Variants in TRMT6 observed in about 807,000 individuals in gnomAD.
TRMT6 encodes the protein tRNA methyltransferase 6 non-catalytic subunit.
In TRMT6, 34 loss-of-function variants were observed where a neutral mutation model predicts 59.0. The observed-to-expected ratio is 0.58, with a 90% CI of 0.44 to 0.77. TRMT6 has a LOEUF of 0.77. TRMT6 is among the 30% of genes least tolerant of loss of function. The pLI is 0.00. For synonymous variants in TRMT6, 217 were observed against 210.5 expected, an observed-to-expected ratio of 1.03 and a Z score of -0.27; for missense variants, 575 against 604.5, an observed-to-expected ratio of 0.95 and a Z score of 0.51.
At chr20:5,945,526 T>C (rs936552758) in intron 2 of TRMT6, among the ~76,000 whole-genome samples, 1 of 152,242 alleles carries the variant, frequency 6.6e-6, no homozygotes, top group East Asian at 1.9e-4. Context: ...GAAATCATGC[T>C]GTTTGCTTGT....
intron 8 of TRMT6, 88 bp from the exon 9 acceptor site, chr20:5,941,433 T>A: frequency 1.1e-6 from 1 of 909,548 alleles, no homozygotes; most frequent in Non-Finnish European, 1.7e-6. Context: ...ATCATGTATT[T>A]AATTTGCATG....
Position 5,941,329 on chromosome 20 carries a change from G to C in TRMT6, c.1129C>G (p.Arg377Gly). 6.2e-7 allele frequency: 1 copy of C among 1,613,916 alleles called. No homozygotes were observed. Among genetic ancestry groups the C allele is most frequent in the Non-Finnish European group, 8.5e-7 (1 of 1,179,890 alleles). ...AGCAGCAGGGGAGTGGGGTGGAAAC[G>C]ACTAGCTACAATTAAACTGTAAGGA... ...RNADGLIVASRFHPTPLLLSL... is the reference protein window; with the variant it reads ...RNADGLIVASGFHPTPLLLSL... Residue 377 changes from arginine to glycine, a missense_variant, in exon 9 of 11, where the codon CGT becomes GGT. Coordinates refer to ENST00000203001, the MANE Select transcript of TRMT6 (RefSeq NM_015939.5).
At position 5,944,791 on chromosome 20, in the gene TRMT6, C is replaced by G. The variant is rs1340685773; in HGVS notation, c.366+14G>C. 1.9e-6 allele frequency: 3 copies of G among 1,595,088 alleles called. No homozygotes were observed. The highest frequency in any genetic ancestry group is 1.7e-6 in the Non-Finnish European group (2 of 1,165,998). ...AACAGACAAAAACAAAACTAAAAAT[C>G]CTTTGAATATTACCTCTCCTTTAAT... On this transcript the variant is annotated intron_variant, in intron 3 of 10. Transcript: ENST00000203001.
intron 10 of TRMT6, among the ~76,000 whole-genome samples, chr20:5,939,052 T>C (rs111442540): frequency 0.067 from 10,257 of 152,116 alleles, 655 homozygotes; most frequent in East Asian, 0.24. Flanking sequence ...AACCTCCCAC[T>C]TTGGCTTTCC....
At chr20:5,943,161 T>C (rs2088674063) in intron 6 of TRMT6, among the ~76,000 whole-genome samples, 1 of 151,914 alleles carries the variant, frequency 6.6e-6, no homozygotes, top group Non-Finnish European at 1.5e-5. Context: ...ACCAGACAAA[T>C]CAGGCTGTGT....
At chr20:5,940,778 C>T (rs996030282) in intron 10 of TRMT6, among the ~76,000 whole-genome samples, 3 of 152,040 alleles carry the variant, frequency 2.0e-5, no homozygotes, top group African/African-American at 4.8e-5. Flanking sequence ...CCACCATGCT[C>T]GACTGATTTT....
chr20:5,945,175 G>A (rs2088695589), intron 2 of TRMT6, among the ~76,000 whole-genome samples: 1 of 152,186 alleles, frequency 6.6e-6, no homozygotes, highest in Non-Finnish European at 1.5e-5. Context: ...TCTACCCCAT[G>A]CTTAAAACCA....
chr20:5,940,704 G>C (rs914760026), intron 10 of TRMT6, among the ~76,000 whole-genome samples: 1 of 151,696 alleles, frequency 6.6e-6, no homozygotes, highest in Non-Finnish European at 1.5e-5. Flanking sequence ...CTGCAGCCTC[G>C]ACCTCCAGGG....
intron 1 of TRMT6, among the ~76,000 whole-genome samples, chr20:5,949,258 G>A (rs1476016481): frequency 6.6e-6 from 1 of 151,956 alleles, no homozygotes; most frequent in Non-Finnish European, 1.5e-5. Flanking sequence ...CCACTAGGGA[G>A]GCTGAGGCAG....
At chr20:5,947,757 T>C (rs2088720300) in intron 1 of TRMT6, among the ~76,000 whole-genome samples, 1 of 152,024 alleles carries the variant, frequency 6.6e-6, no homozygotes, top group South Asian at 2.1e-4. Flanking sequence ...ACCTAGGTGC[T>C]TTGAAACACT....
At chr20:5,942,224 A>T in intron 7 of TRMT6, 188 bp from the exon 8 acceptor site, 1 of 715,116 alleles carries the variant, frequency 1.4e-6, no homozygotes, top group Non-Finnish European at 2.3e-6. Flanking sequence ...TGATTAAGCT[A>T]TCTATGCAAC....
chr20:5,939,636 C>G (rs2122597101), intron 10 of TRMT6, among the ~76,000 whole-genome samples: 1 of 152,182 alleles, frequency 6.6e-6, no homozygotes, highest in Non-Finnish European at 1.5e-5. Flanking sequence ...TTTCTCCTGG[C>G]TTCAGGAAGC....
Position 5,937,704 on chromosome 20 carries a change from T to G in TRMT6, c.*831A>C, listed in dbSNP as rs997749567. Reference sequence around the variant, plus strand: ...TGTACATACATATTCATACAGGTGGTACAATCTATGTCTCCACTTGCATGT... The same window carrying G: ...TGTACATACATATTCATACAGGTGGGACAATCTATGTCTCCACTTGCATGT... On this transcript the variant is annotated 3_prime_UTR_variant, in exon 11 of 11. Transcript: ENST00000203001. 3 of 152,238 alleles carry G rather than the reference T, an allele frequency of 2.0e-5. No homozygotes were observed. Among genetic ancestry groups the G allele is most frequent in the Non-Finnish European group, 2.9e-5 (2 of 68,038 alleles). The allele number at this position is 152,238 out of a possible 1,614,324, so 9.4% of individuals were successfully genotyped here.
intron 1 of TRMT6, among the ~76,000 whole-genome samples, chr20:5,949,617 T>A (rs544156918): frequency 8.1e-4 from 123 of 152,208 alleles, no homozygotes; most frequent in African/African-American, 2.6e-3. Flanking sequence ...CTTTGGTGAG[T>A]AAAACGAGGG....
At position 5,945,079 on chromosome 20, in the gene TRMT6, C is replaced by T. The variant is rs565384735; in HGVS notation, c.257-165G>A. On this transcript the variant is annotated intron_variant, in intron 2 of 10. Transcript: ENST00000203001. ...TTCCTGCCAAAACTACTCCAAGCCTCTAAGTCATCTTCCTGCTCCCAGTCT... is the reference window on the plus strand; with the variant it reads ...TTCCTGCCAAAACTACTCCAAGCCTTTAAGTCATCTTCCTGCTCCCAGTCT... 2.6e-5 allele frequency among the ~76,000 whole-genome samples: 4 copies of T among 152,346 alleles called. No individual in the cohort carries two copies. In the South Asian group the frequency reaches 8.3e-4, roughly 32 times the overall value.
intron 8 of TRMT6, chr20:5,941,736 A>G: frequency 1.7e-6 from 1 of 581,606 alleles, no homozygotes; most frequent in East Asian, 2.8e-5. Context: ...GCAGTGATGG[A>G]GAAGATTCAA....
chr20:5,941,249 G>A lies in TRMT6; in HGVS notation c.1209C>T (p.Tyr403=), dbSNP rs148760915. Reference sequence around the variant, plus strand: ...CATTCCATTCCAGTATTACCTCTTTGTACTGACAGTAGACCACAAACGGCC... The same window carrying A: ...CATTCCATTCCAGTATTACCTCTTTATACTGACAGTAGACCACAAACGGCC... ...PSRPFVVYCQ[Y]KEPLLECYTK... Residue 403 remains tyrosine, a synonymous_variant, in exon 9 of 11, where the codon TAC becomes TAT. Coordinates refer to ENST00000203001, the MANE Select transcript of TRMT6 (RefSeq NM_015939.5). The A allele has an allele frequency of 2.9e-5, 47 of 1,613,572 alleles. No individual in the cohort carries two copies. In the African/African-American group the frequency reaches 6.3e-4, roughly 22 times the overall value.
chr20:5,946,347 T>A, intron 2 of TRMT6, 59 bp downstream of exon 2: 1 of 1,608,274 alleles, frequency 6.2e-7, no homozygotes, highest in Non-Finnish European at 8.5e-7. Flanking sequence ...AGGTGGAGGC[T>A]GAGATGTTTC....
intron 10 of TRMT6, among the ~76,000 whole-genome samples, chr20:5,939,405 C>G (rs560383141): frequency 1.3e-5 from 2 of 150,668 alleles, no homozygotes; most frequent in Non-Finnish European, 3.0e-5. Context: ...TGCTTGAACC[C>G]GGGAGGCAGA....
Sources: gnomAD v4.1 joint callset for allele counts (sites outside exome capture counted in the v4.1 genomes callset) on GRCh38, gnomAD v4.1.1 for gene constraint, MANE v1.5 for transcripts, NCBI Gene and HGNC (gene_info 2026-07-23, HGNC 2026-07-21) for gene names.